Variants in EREG observed in about 807,000 individuals in gnomAD.
EREG encodes the protein proepiregulin.
Under a neutral mutation model 22.4 loss-of-function variants are expected in EREG, and 23 were observed. The observed-to-expected ratio is 1.03, with a 90% CI of 0.74 to 1.46. The LOEUF (loss-of-function observed/expected upper bound fraction) is 1.46. Ranked by LOEUF, EREG falls within the 40% of genes most tolerant of loss-of-function variation. EREG has a pLI of 0.00. For synonymous variants in EREG, 100 were observed against 75.4 expected (o/e 1.33, Z -1.69); for missense variants, 226 against 205.9 (o/e 1.10, Z -0.60).
rs555439538 is a variant in EREG at position 74,386,760 on chromosome 4, A to T, written c.*1952A>T. The T allele has an allele frequency of 6.6e-6, 1 of 152,120 alleles. No homozygotes were observed. The highest frequency in any genetic ancestry group is 1.9e-4 in the East Asian group (1 of 5,180). The allele number at this position is 152,120 out of a possible 1,614,324, so 9.4% of individuals were successfully genotyped here. A position where few individuals can be genotyped will look rare whatever the true frequency, so the allele number is the denominator to read the frequency against. Reference sequence around the variant, plus strand: ...AAAATGCTTAAAAAATAATACAACAACAACAAAAAATACATTATAACAACT... The same window carrying T: ...AAAATGCTTAAAAAATAATACAACATCAACAAAAAATACATTATAACAACT... On this transcript the variant is annotated 3_prime_UTR_variant, in exon 5 of 5. Coordinates refer to ENST00000244869, the MANE Select transcript of EREG (RefSeq NM_001432.3).
chr4:74,371,660 T>C (rs1752292449), intron 1 of EREG, among the ~76,000 whole-genome samples: 1 of 152,220 alleles, frequency 6.6e-6, no homozygotes. Context: ...GACTTTCAAA[T>C]AGACTTCTCC....
intron 1 of EREG, among the ~76,000 whole-genome samples, chr4:74,375,512 A>ATTT: frequency 6.8e-6 from 1 of 146,672 alleles, no homozygotes; most frequent in Non-Finnish European, 1.5e-5. Flanking sequence ...TGTATTTTTA[A>ATTT]TAGAGACGGG....
At chr4:74,374,711 A>G (rs1042612828) in intron 1 of EREG, among the ~76,000 whole-genome samples, 1 of 151,820 alleles carries the variant, frequency 6.6e-6, no homozygotes, top group Non-Finnish European at 1.5e-5. Context: ...AACCTCTCCC[A>G]CGCGCGGTCC....
At chr4:74,370,096 C>T (rs1752264856) in intron 1 of EREG, among the ~76,000 whole-genome samples, 1 of 152,152 alleles carries the variant, frequency 6.6e-6, no homozygotes, top group South Asian at 2.1e-4. Context: ...TGTCAATGCC[C>T]TCAAGTCACT....
chr4:74,376,949 CA>C (rs1382039180), intron 1 of EREG, among the ~76,000 whole-genome samples: 3 of 152,076 alleles, frequency 2.0e-5, no homozygotes, highest in Non-Finnish European at 4.4e-5. Context: ...CAAAAATATA[CA>C]ATCGGCTTAA....
intron 4 of EREG, 81 bp downstream of exon 4, chr4:74,382,875 AT>A: frequency 9.7e-7 from 1 of 1,026,672 alleles, no homozygotes; most frequent in Non-Finnish European, 1.4e-6. Context: ...AAAAATATGG[AT>A]AAAGTATTAG....
chr4:74,375,773 C>A (rs569236138), intron 1 of EREG, among the ~76,000 whole-genome samples: 1 of 152,260 alleles, frequency 6.6e-6, no homozygotes, highest in South Asian at 2.1e-4. Flanking sequence ...CATTTGAGAA[C>A]CACTATTTTA....
At chr4:74,368,339 TA>T (rs1226996080) in intron 1 of EREG, among the ~76,000 whole-genome samples, 1 of 152,238 alleles carries the variant, frequency 6.6e-6, no homozygotes, top group Non-Finnish European at 1.5e-5. Context: ...TGATTTTTAT[TA>T]TGAAGCAGTC....
intron 1 of EREG, among the ~76,000 whole-genome samples, chr4:74,372,111 G>A (rs1316542369): frequency 6.6e-6 from 1 of 152,124 alleles, no homozygotes; most frequent in African/African-American, 2.4e-5. Context: ...TTTGATGATT[G>A]GATTGTAACT....
Position 74,384,981 on chromosome 4 carries a change from T to C in EREG, c.*173T>C. 1 of 487,638 alleles carries C rather than the reference T, an allele frequency of 2.1e-6. No homozygotes were observed. The highest frequency in any genetic ancestry group is 3.1e-5 in the East Asian group (1 of 32,296). The allele number at this position is 487,638 out of a possible 1,614,324, so 30.2% of individuals were successfully genotyped here. A position where few individuals can be genotyped will look rare whatever the true frequency, so the allele number is the denominator to read the frequency against. ...TTATTTTTGACAGACTATTTGCTAA[T>C]GTATAATGTGCAGAAAATATTTAAT... On this transcript the variant is annotated 3_prime_UTR_variant, in exon 5 of 5. Coordinates refer to ENST00000244869, the MANE Select transcript of EREG (RefSeq NM_001432.3).
chr4:74,380,848 TA>T (rs1477108276), intron 2 of EREG, among the ~76,000 whole-genome samples, 165 bp from the exon 3 acceptor site: 2 of 152,330 alleles, frequency 1.3e-5, no homozygotes, highest in East Asian at 1.9e-4. Context: ...TTGATTGGTC[TA>T]GGGGGTGTGA....
At chr4:74,367,646 C>T (rs908200883) in intron 1 of EREG, among the ~76,000 whole-genome samples, 1 of 152,106 alleles carries the variant, frequency 6.6e-6, no homozygotes, top group African/African-American at 2.4e-5. Context: ...ATATGAGGAG[C>T]ATAAATCTCA....
Position 74,387,397 on chromosome 4 carries a change from G to A in EREG, c.*2589G>A, listed in dbSNP as rs1303264583. ...TTATTTCATTTACAAAAGATTTATT[G>A]TAAGCATCTCAATCTTGGTTTGTCA... On this transcript the variant is annotated 3_prime_UTR_variant, in exon 5 of 5. Coordinates refer to ENST00000244869, the MANE Select transcript of EREG (RefSeq NM_001432.3). The A allele has an allele frequency of 2.6e-5, 4 of 151,988 alleles. No homozygotes were observed. The highest frequency in any genetic ancestry group is 2.4e-5 in the African/African-American group (1 of 41,376). The allele number at this position is 151,988 out of a possible 1,614,324, so 9.4% of individuals were successfully genotyped here.
At position 74,388,748 on chromosome 4, in the gene EREG, A is replaced by G. The variant is rs1002740041; in HGVS notation, c.*3940A>G. The G allele has an allele frequency of 2.0e-5, 3 of 152,294 alleles. No individual in the cohort carries two copies. The highest frequency in any genetic ancestry group is 7.2e-5 in the African/African-American group (3 of 41,462). The allele number at this position is 152,294 out of a possible 1,614,324, so 9.4% of individuals were successfully genotyped here. On this transcript the variant is annotated 3_prime_UTR_variant, in exon 5 of 5. Coordinates refer to ENST00000244869, the MANE Select transcript of EREG (RefSeq NM_001432.3). ...AATGCATTGAACATCTTGCATTCAA[A>G]ATCTTCACTGACAATGCAGCCTCAT...
chr4:74,374,903 T>C (rs1752352492), intron 1 of EREG, among the ~76,000 whole-genome samples: 1 of 152,166 alleles, frequency 6.6e-6, no homozygotes, highest in African/African-American at 2.4e-5. Context: ...ATTTGGAAAT[T>C]TGATAGAAAC....
intron 1 of EREG, among the ~76,000 whole-genome samples, chr4:74,375,062 C>A (rs939756583): frequency 1.8e-3 from 268 of 146,900 alleles, no homozygotes; most frequent in Non-Finnish European, 2.1e-4. Flanking sequence ...ACAAGAAATG[C>A]CACCAGATCT....
At chr4:74,374,667 A>G (rs992478905) in intron 1 of EREG, among the ~76,000 whole-genome samples, 1 of 152,182 alleles carries the variant, frequency 6.6e-6, no homozygotes, top group Non-Finnish European at 1.5e-5. Context: ...GGCCCACGAC[A>G]TTTACTGCTA....
chr4:74,370,886 G>T (rs373361050), intron 1 of EREG, among the ~76,000 whole-genome samples: 3 of 152,184 alleles, frequency 2.0e-5, no homozygotes, highest in Non-Finnish European at 2.9e-5. Context: ...AAGTATGTGA[G>T]CTAGAACTGG....
rs765200232 is a variant in EREG, at chr4:74,365,320, G to A, written c.12G>A (p.Gly4=). 2 of 1,606,282 alleles carry A rather than the reference G, an allele frequency of 1.2e-6. No individual in the cohort carries two copies. The highest frequency in any genetic ancestry group is 4.5e-5 in the East Asian group (2 of 44,868). The change falls in exon 1 of 5, where the codon GGG becomes GGA. Residue 4 remains glycine, a synonymous_variant. Transcript: ENST00000244869. ...CGCTCCCATCGCCGATGACCGCGGG[G>A]AGGAGGATGGAGATGCTCTGTGCCG... MTA[G]RRMEMLCAGR... is the part of the protein sequence containing the mutation.
Sources: allele counts gnomAD v4.1 joint callset (sites outside exome capture counted in the v4.1 genomes callset), GRCh38; gene constraint gnomAD v4.1.1; transcripts MANE v1.5; gene names NCBI Gene and HGNC (gene_info 2026-07-23, HGNC 2026-07-21).